The following POLR3E variants were observed in gnomAD, a reference collection of about 807,000 sequenced individuals.
POLR3E encodes the protein DNA-directed RNA polymerase III subunit RPC5.
In POLR3E, 41 loss-of-function variants were observed where a neutral mutation model predicts 96.6. That is an observed-to-expected ratio of 0.42 (90% CI 0.33 to 0.55). The LOEUF (loss-of-function observed/expected upper bound fraction) is 0.55. Among genes scored for constraint, POLR3E ranks in the 20% least tolerant of loss-of-function variants. The pLI, the probability that POLR3E is intolerant of heterozygous loss-of-function variation, is 0.06. For synonymous variants in POLR3E, 396 were observed against 383.6 expected, an observed-to-expected ratio of 1.03 and a Z score of -0.38; for missense variants, 849 against 952.1, an observed-to-expected ratio of 0.89 and a Z score of 1.43.
chr16:22,332,264 CTT>C (rs878898058), intron 20 of POLR3E, 79 bp downstream of exon 20: 4 of 1,333,572 alleles, frequency 3.0e-6, no homozygotes, highest in African/African-American at 1.5e-5. Context: ...ACTCTAGTGT[CTT>C]TGTGTATATG....
intron 5 of POLR3E, 59 bp downstream of exon 5, chr16:22,309,099 A>C: frequency 1.7e-6 from 2 of 1,190,552 alleles, no homozygotes; most frequent in Non-Finnish European, 2.5e-6. Flanking sequence ...AGCCTCCAAA[A>C]GACCTTAAAG....
At chr16:22,315,271 GC>G in intron 9 of POLR3E, 63 bp downstream of exon 9, 1 of 1,505,550 alleles carries the variant, frequency 6.6e-7, no homozygotes, top group Non-Finnish European at 9.0e-7. Context: ...TCATGGTGTG[GC>G]CTCCGTGTCT....
intron 19 of POLR3E, among the ~76,000 whole-genome samples, chr16:22,329,961 A>G (rs2048700775): frequency 6.6e-6 from 1 of 152,198 alleles, no homozygotes; most frequent in Non-Finnish European, 1.5e-5. Flanking sequence ...TTAAAAAAAA[A>G]AATCAGCCTG....
chr16:22,298,446 C>A (rs914091442), intron 1 of POLR3E, among the ~76,000 whole-genome samples: 1 of 152,162 alleles, frequency 6.6e-6, no homozygotes, highest in Non-Finnish European at 1.5e-5. Context: ...TTACTCCTTC[C>A]CCGCAGGGGT....
In POLR3E at chr16:22,333,605, C is replaced by T. The variant is rs761416371; in HGVS notation, c.2071-39C>T. 2.8e-6 allele frequency: 4 copies of T among 1,450,312 alleles called. No homozygotes were observed. The African/African-American group carries it at 4.2e-5, about 15-fold the overall frequency. 89.8% of individuals were successfully genotyped at this position (1,450,312 alleles called of 1,614,324 possible). ...GGACAGAATGTAATTAGCTCCTTTT[C>T]CTGCAAAAATCTGTGCTTACCCTGT... On this transcript the variant is annotated intron_variant, in intron 20 of 20. Transcript: ENST00000299853.
chr16:22,325,137 T>C lies in POLR3E; in HGVS notation c.1287-68T>C, dbSNP rs964007473. The C allele has an allele frequency of 6.5e-6, 8 of 1,230,986 alleles. No homozygotes were observed. In the African/African-American group the frequency reaches 8.9e-5, roughly 14 times the overall value. 76.3% of individuals were successfully genotyped at this position (1,230,986 alleles called of 1,614,324 possible). ...GCGTGTCCTGGGGCCTAAGGGGTGG[T>C]TGTTTCTCTTGTGAAGCAGATGGTA... On this transcript the variant is annotated intron_variant, in intron 16 of 20. Coordinates refer to ENST00000299853, the MANE Select transcript of POLR3E (RefSeq NM_018119.4).
At chr16:22,301,446 TG>T (rs1490883049) in intron 1 of POLR3E, among the ~76,000 whole-genome samples, 1 of 152,124 alleles carries the variant, frequency 6.6e-6, no homozygotes, top group Non-Finnish European at 1.5e-5. Context: ...GCTGAGCGGA[TG>T]GTGCATGCCA....
At chr16:22,302,284 T>G (rs2048040822) in intron 1 of POLR3E, among the ~76,000 whole-genome samples, 1 of 152,202 alleles carries the variant, frequency 6.6e-6, no homozygotes, top group African/African-American at 2.4e-5. Flanking sequence ...ATCATCCTGC[T>G]TGCTATGTGA....
At chr16:22,319,154 T>C (rs2048420120) in intron 13 of POLR3E, among the ~76,000 whole-genome samples, 1 of 151,570 alleles carries the variant, frequency 6.6e-6, no homozygotes, top group South Asian at 2.1e-4. Context: ...TTTGTGTTTT[T>C]AGTAGACACG....
At chr16:22,319,842 G>T (rs1392600350) in intron 13 of POLR3E, among the ~76,000 whole-genome samples, 1 of 152,040 alleles carries the variant, frequency 6.6e-6, no homozygotes, top group Non-Finnish European at 1.5e-5. Flanking sequence ...TTTGTGTTGG[G>T]CACATTCAAA....
chr16:22,314,448 CTG>C (rs2048313361), intron 8 of POLR3E, among the ~76,000 whole-genome samples: 1 of 152,204 alleles, frequency 6.6e-6, no homozygotes, highest in Non-Finnish European at 1.5e-5. Context: ...AGTCAATTAA[CTG>C]TGATTCTATC....
intron 6 of POLR3E, among the ~76,000 whole-genome samples, chr16:22,311,670 A>C (rs933644027): frequency 6.6e-6 from 1 of 150,814 alleles, no homozygotes; most frequent in Non-Finnish European, 1.5e-5. Context: ...TTTTTAAAAA[A>C]TTTTTTGTTG....
intron 13 of POLR3E, among the ~76,000 whole-genome samples, chr16:22,319,699 G>A (rs1291703805): frequency 6.6e-6 from 1 of 152,008 alleles, no homozygotes; most frequent in Non-Finnish European, 1.5e-5. Context: ...GTGCCTGGCC[G>A]CATTTAAACA....
In POLR3E at chr16:22,325,940, G is replaced by A. The variant is rs1399318708; in HGVS notation, c.1528G>A (p.Glu510Lys). The change falls in exon 18 of 21, where the codon GAG becomes AAG. Residue 510 changes from glutamate (E) to lysine (K), a missense_variant. By Grantham distance (56) the Glu-to-Lys change is moderately conservative (BLOSUM62 1). Transcript: ENST00000299853. ...EPVSEEGEED[E>K]EQEAEEEPMD... The stretch of plus-strand genomic sequence containing the variant: ...CGTGAGCGAGGAGGGCGAGGAGGAC[G>A]AGGAGCAGGAGGCGGAGGAGGAGCC... The A allele has an allele frequency of 1.3e-6, 2 of 1,593,112 alleles. No individual in the cohort carries two copies. Among genetic ancestry groups the A allele is most frequent in the South Asian group, 1.1e-5 (1 of 89,028 alleles).
intron 1 of POLR3E, chr16:22,299,109 G>A: frequency 2.2e-6 from 1 of 452,108 alleles, no homozygotes; most frequent in South Asian, 1.6e-5. Context: ...AGGAGGCTGG[G>A]GGAGGCTTTT....
In POLR3E at chr16:22,325,939, C is replaced by CGAGGAGCAGGAGGCG. The variant is rs1567328786; in HGVS notation, c.1534_1548dup (p.Gln512_Glu516dup). On this transcript the variant is annotated inframe_insertion, in exon 18 of 21. Coordinates refer to ENST00000299853, the MANE Select transcript of POLR3E (RefSeq NM_018119.4). ...CCGTGAGCGAGGAGGGCGAGGAGGA[C>CGAGGAGCAGGAGGCG]GAGGAGCAGGAGGCGGAGGAGGAGC... The CGAGGAGCAGGAGGCG allele has an allele frequency of 1.9e-6, 3 of 1,594,506 alleles. No individual in the cohort carries two copies. The highest frequency in any genetic ancestry group is 2.3e-5 in the East Asian group (1 of 43,968).
At chr16:22,327,568 A>G (rs1272469576) in intron 18 of POLR3E, 3 of 152,228 alleles carry the variant, frequency 2.0e-5, no homozygotes, top group Non-Finnish European at 4.4e-5. Flanking sequence ...AGGAGACACC[A>G]TGGCCCTAAC....
chr16:22,326,287 A>T lies in POLR3E; in HGVS notation c.1866+9A>T. ...AGCAGATACTGGTGCCTGTAAGTAGAGCCCTGCCTGCCAGGGGCATGGGGG... is the reference window on the plus strand; with the variant it reads ...AGCAGATACTGGTGCCTGTAAGTAGTGCCCTGCCTGCCAGGGGCATGGGGG... On this transcript the variant is annotated intron_variant, in intron 18 of 20. Transcript: ENST00000299853. 2.9e-6 allele frequency: 2 copies of T among 688,966 alleles called. No homozygotes were observed. Among genetic ancestry groups the T allele is most frequent in the Non-Finnish European group, 2.3e-6 (1 of 431,756 alleles). The allele number at this position is 688,966 out of a possible 1,614,324, so 42.7% of individuals were successfully genotyped here.
chr16:22,314,997 C>A, intron 8 of POLR3E, 92 bp from the exon 9 acceptor site: 4 of 1,365,054 alleles, frequency 2.9e-6, no homozygotes, highest in South Asian at 2.6e-5. Flanking sequence ...AACCCCTATA[C>A]GGAGTTCTCT....
Sources: gnomAD v4.1 joint callset for allele counts (sites outside exome capture counted in the v4.1 genomes callset) on GRCh38, gnomAD v4.1.1 for gene constraint, MANE v1.5 for transcripts, NCBI Gene and HGNC (gene_info 2026-07-23, HGNC 2026-07-21) for gene names.